Variants in NLRP14 observed in about 807,000 individuals in gnomAD.
The protein encoded by NLRP14 is NLR family pyrin domain containing 14, also known as NACHT, LRR and PYD domains-containing protein 14.
In NLRP14, 105 loss-of-function variants were observed where a neutral mutation model predicts 94.7. The observed-to-expected ratio is 1.11, with a 90% CI of 0.95 to 1.30. NLRP14 has a LOEUF of 1.30. Ranked by LOEUF, NLRP14 falls within the 50% of genes most tolerant of loss-of-function variation. NLRP14 has a pLI of 0.00. For missense variants in NLRP14, 1,362 were observed against 1,254.1 expected (o/e 1.09, Z -1.30); for synonymous variants, 508 against 459.9 (o/e 1.10, Z -1.34).
chr11:7,025,240 G>T (rs1453844607), intron 1 of NLRP14, among the ~76,000 whole-genome samples: 3 of 152,090 alleles, frequency 2.0e-5, no homozygotes, highest in Non-Finnish European at 4.4e-5. Context: ...CTTCTCTTTT[G>T]TAATGTTGGA....
In NLRP14 at chr11:7,058,677, G is replaced by T. The variant is rs1241667010; in HGVS notation, c.2633+227G>T. On this transcript the variant is annotated intron_variant, in intron 8 of 11. Transcript: ENST00000299481. ...AAATAGTACCCGATGGTGTCAAATT[G>T]ACCACCCAATTTTGAGGGGCCTCAC... is the stretch of plus-strand genomic sequence containing the variant. Among the ~76,000 whole-genome samples the T allele has an allele frequency of 4.6e-5, 7 of 151,846 alleles. 1 individual carries two copies. Among genetic ancestry groups the T allele is most frequent in the Non-Finnish European group, 1.0e-4 (7 of 67,906 alleles).
At chr11:7,029,104 G>A (rs1298095280) in intron 1 of NLRP14, among the ~76,000 whole-genome samples, 3 of 152,084 alleles carry the variant, frequency 2.0e-5, no homozygotes, top group Non-Finnish European at 4.4e-5. Context: ...TATTGGGAGG[G>A]ATTGATGTAA....
chr11:7,065,682 C>A (rs2119705350), intron 10 of NLRP14, among the ~76,000 whole-genome samples: 1 of 152,106 alleles, frequency 6.6e-6, no homozygotes, highest in South Asian at 2.1e-4. Context: ...AAATTGCCTT[C>A]TACACCTAGT....
At chr11:7,069,636 A>ATT (rs11397404) in intron 10 of NLRP14, among the ~76,000 whole-genome samples, 17 of 151,564 alleles carry the variant, frequency 1.1e-4, no homozygotes, top group South Asian at 6.3e-4. Flanking sequence ...ATTTTATTTT[A>ATT]TTTTTTTTGA....
Position 7,039,728 on chromosome 11 carries a change from A to G in NLRP14, c.304A>G (p.Ile102Val). 3 of 1,613,846 alleles carry G rather than the reference A, an allele frequency of 1.9e-6. No homozygotes were observed. The highest frequency in any genetic ancestry group is 1.3e-5 in the African/African-American group (1 of 75,032). ...KEEINWSAQTIGPDDAKAGET... is the reference protein window; with the variant it reads ...KEEINWSAQTVGPDDAKAGET... The stretch of plus-strand genomic sequence containing the variant: ...ACCTGTTGCAGGGTCGGCCCAGACT[A>G]TAGGACCAGATGATGCCAAGGCTGG... Residue 102 changes from isoleucine (I) to valine (V), a missense_variant, in exon 3 of 12, where the codon ATA becomes GTA. By Grantham distance (29) the Ile-to-Val change is conservative. Transcript: ENST00000299481.
the NLRP14 span, chr11:7,089,562 A>C: frequency 1.8e-5 from 21 of 1,192,050 alleles, no homozygotes; most frequent in Non-Finnish European, 2.2e-5. Flanking sequence ...CCCGATGCCC[A>C]TGAAGCGTGG....
At chr11:7,048,825 T>C (rs1213080946) in intron 5 of NLRP14, among the ~76,000 whole-genome samples, 1 of 152,202 alleles carries the variant, frequency 6.6e-6, no homozygotes, top group East Asian at 1.9e-4. Flanking sequence ...GACACCATGA[T>C]GACTGTTCTC....
chr11:7,042,647 G>C lies in NLRP14; in HGVS notation c.621G>C (p.Gln207His), dbSNP rs1852276172. 6.2e-7 allele frequency: 1 copy of C among 1,614,210 alleles called. No homozygotes were observed. The highest frequency in any genetic ancestry group is 8.5e-7 in the Non-Finnish European group (1 of 1,180,022). Reference protein sequence around the residue: ...MLDWAEGSLYQQRFKYVFYLN... With the variant: ...MLDWAEGSLYHQRFKYVFYLN... ...ATTGGGCAGAGGGCAGTCTCTACCA[G>C]CAGAGGTTTAAGTATGTTTTTTATC... Residue 207 changes from glutamine to histidine, a missense_variant, in exon 4 of 12, where the codon CAG becomes CAC. Physicochemically the swap from Gln to His is conservative, Grantham distance 24. Coordinates refer to ENST00000299481, the MANE Select transcript of NLRP14 (RefSeq NM_176822.4).
Position 7,042,998 on chromosome 11 carries a change from T to C in NLRP14, c.972T>C (p.Tyr324=), listed in dbSNP as rs142635520. The C allele has an allele frequency of 4.3e-6, 7 of 1,614,208 alleles. No homozygotes were observed. The highest frequency in any genetic ancestry group is 5.9e-6 in the Non-Finnish European group (7 of 1,180,026). ...RLKQLLKNHH[Y]VELLGMSEDA... ...AGCAGTTGTTGAAGAATCACCATTA[T>C]GTAGAGCTACTAGGAATGTCTGAGG... Residue 324 remains tyrosine (Y), a synonymous_variant, in exon 4 of 12, where the codon TAT becomes TAC. Transcript: ENST00000299481.
rs771565689 is a variant in NLRP14 at position 7,062,497 on chromosome 11, G to A, written c.2969G>A (p.Arg990Lys). Reference protein sequence around the residue: ...ALRYPNCNIQRLGLEYCGLTS... With the variant: ...ALRYPNCNIQKLGLEYCGLTS... The stretch of plus-strand genomic sequence containing the variant: ...AGATATCCAAACTGTAACATTCAGA[G>A]GCTCGGGTGAGTTCATAGTTTTCCA... Residue 990 changes from arginine (R) to lysine (K), a missense_variant, in exon 10 of 12, where the codon AGG becomes AAG. Coordinates refer to ENST00000299481, the MANE Select transcript of NLRP14 (RefSeq NM_176822.4). 1.9e-6 allele frequency: 3 copies of A among 1,612,638 alleles called. No individual in the cohort carries two copies. The highest frequency in any genetic ancestry group is 1.7e-5 in the Admixed American group (1 of 59,874).
Position 7,070,541 on chromosome 11 carries a change from C to A in NLRP14, c.3146+85C>A, listed in dbSNP as rs10769763. On this transcript the variant is annotated intron_variant, in intron 11 of 11. Coordinates refer to ENST00000299481, the MANE Select transcript of NLRP14 (RefSeq NM_176822.4). ...ACTCATTAATACAGGCCTCAGAATC[C>A]ACCTAATTGTGTATCATTGGGTATT... 611,308 of 885,620 alleles carry A rather than the reference C, an allele frequency of 0.69. 214,673 individuals are homozygous for A. Among genetic ancestry groups the A allele is most frequent in the East Asian group, 0.91 (37,611 of 41,422 alleles). 54.9% of individuals were successfully genotyped at this position (885,620 alleles called of 1,614,324 possible).
intron 1 of NLRP14, among the ~76,000 whole-genome samples, chr11:7,026,888 C>A (rs1290923138): frequency 1.3e-5 from 2 of 151,648 alleles, no homozygotes; most frequent in African/African-American, 4.9e-5. Context: ...GTGCAGCACA[C>A]CAGCATGGCA....
intron 6 of NLRP14, among the ~76,000 whole-genome samples, chr11:7,055,774 C>T (rs1457810783): frequency 6.6e-6 from 1 of 151,986 alleles, no homozygotes; most frequent in Non-Finnish European, 1.5e-5. Context: ...TGGACCTATA[C>T]CAAATAACAG....
At chr11:7,028,570 A>G (rs1852046979) in intron 1 of NLRP14, among the ~76,000 whole-genome samples, 1 of 152,118 alleles carries the variant, frequency 6.6e-6, no homozygotes, top group Non-Finnish European at 1.5e-5. Flanking sequence ...CAAAACCCTC[A>G]GCTGGCTTCC....
At chr11:7,072,471 A>G (rs982539112), downstream of NLRP14, among the ~76,000 whole-genome samples, 4 of 152,254 alleles carry the variant, frequency 2.6e-5, no homozygotes, top group African/African-American at 9.6e-5. Context: ...GAAGAAATCA[A>G]GCAGGCCACC....
chr11:7,060,712 T>C (rs1316616984), intron 9 of NLRP14, among the ~76,000 whole-genome samples: 2 of 152,012 alleles, frequency 1.3e-5, no homozygotes, highest in Admixed American at 1.3e-4. Flanking sequence ...TTCATTAATA[T>C]TATGTTTTCT....
At chr11:7,060,672 T>C (rs1042927521) in intron 9 of NLRP14, among the ~76,000 whole-genome samples, 4 of 152,168 alleles carry the variant, frequency 2.6e-5, no homozygotes, top group African/African-American at 7.2e-5. Context: ...TTTTTAACAA[T>C]ATCCTACACA....
In NLRP14 at chr11:7,023,862, C is replaced by G. The variant is rs111875403; in HGVS notation, c.-22+3092C>G. ...AGGGAGAGTAGGGAGGGAGGTTCCT[C>G]ACACTTAACCAGATATCATGAGAAC... is the stretch of plus-strand genomic sequence containing the variant. On this transcript the variant is annotated intron_variant, in intron 1 of 11. Coordinates refer to ENST00000299481, the MANE Select transcript of NLRP14 (RefSeq NM_176822.4). 2.6e-4 allele frequency among the ~76,000 whole-genome samples: 39 copies of G among 152,028 alleles called. 1 individual carries two copies. Among genetic ancestry groups the G allele is most frequent in the Middle Eastern group, 3.4e-3 (1 of 294 alleles).
intron 1 of NLRP14, among the ~76,000 whole-genome samples, chr11:7,033,354 A>C (rs969594278): frequency 6.6e-6 from 1 of 152,210 alleles, no homozygotes; most frequent in Non-Finnish European, 1.5e-5. Context: ...TTAGAATTAC[A>C]GAAATTTCTT....
Sources: allele counts gnomAD v4.1 joint callset (sites outside exome capture counted in the v4.1 genomes callset), GRCh38; gene constraint gnomAD v4.1.1; transcripts MANE v1.5; gene names NCBI Gene and HGNC (gene_info 2026-07-23, HGNC 2026-07-21).